The following EVI5 variants were observed in gnomAD, a reference collection of about 807,000 sequenced individuals.
The protein encoded by EVI5 is ecotropic viral integration site 5 protein homolog.
EVI5 carries 73 observed loss-of-function variants against 112.0 expected under a neutral mutation model. That is an observed-to-expected ratio of 0.65 (90% CI 0.54 to 0.79). EVI5 has a LOEUF of 0.79. EVI5 is among the 30% of genes least tolerant of loss of function. EVI5 has a pLI of 0.00. For synonymous variants in EVI5, 305 were observed against 319.9 expected, an observed-to-expected ratio of 0.95 and a Z score of 0.50; for missense variants, 900 against 968.8, an observed-to-expected ratio of 0.93 and a Z score of 0.94.
chr1:92,657,979 G>A (rs1235370818), intron 13 of EVI5, among the ~76,000 whole-genome samples: 1 of 152,120 alleles, frequency 6.6e-6, no homozygotes, highest in Admixed American at 6.5e-5. Flanking sequence ...TTTGCCCCAT[G>A]ATCCAAACAC....
intron 19 of EVI5, among the ~76,000 whole-genome samples, chr1:92,521,259 A>AG (rs1358353430): frequency 1.3e-5 from 2 of 152,196 alleles, no homozygotes; most frequent in African/African-American, 4.8e-5. Flanking sequence ...CACCCTGCCC[A>AG]GCCAAGACTG....
In EVI5 at chr1:92,662,814, C is replaced by T; in HGVS notation, c.1297G>A (p.Glu433Lys). ...EAEENYLIKRELATIKQQSDE... is the reference protein window; with the variant it reads ...EAEENYLIKRKLATIKQQSDE... ...CTCTGCTGTTTGATGGTGGCCAACT[C>T]CCGTTTTATGAGGTAGTTTTCCTCA... is the stretch of plus-strand genomic sequence containing the variant. The change falls in exon 13 of 20, where the codon GAG (glutamate) becomes AAG (lysine). Residue 433 changes from glutamate to lysine, a missense_variant. By Grantham distance (56) the Glu-to-Lys change is moderately conservative. Transcript: ENST00000684568. The T allele has an allele frequency of 7.8e-7, 1 of 1,289,398 alleles. No individual in the cohort carries two copies. Among genetic ancestry groups the T allele is most frequent in the Non-Finnish European group, 1.0e-6 (1 of 988,710 alleles). The allele number at this position is 1,289,398 out of a possible 1,614,324, so 79.9% of individuals were successfully genotyped here. A position where few individuals can be genotyped will look rare whatever the true frequency, so the allele number is the denominator to read the frequency against.
intron 18 of EVI5, among the ~76,000 whole-genome samples, chr1:92,585,222 C>CAAAA (rs60701144): frequency 2.7e-5 from 4 of 146,262 alleles, no homozygotes; most frequent in Non-Finnish European, 6.0e-5. Flanking sequence ...GACTCCATCT[C>CAAAA]AAAAAAAAAA....
At chr1:92,590,672 A>C (rs1239352789) in intron 18 of EVI5, among the ~76,000 whole-genome samples, 1 of 152,192 alleles carries the variant, frequency 6.6e-6, no homozygotes, top group African/African-American at 2.4e-5. Context: ...GAATGGAACC[A>C]AGGTGGAAAA....
chr1:92,593,646 G>A lies in EVI5; in HGVS notation c.2070+11661C>T, dbSNP rs1287809768. Among the ~76,000 whole-genome samples, 4 of 152,246 alleles carry A rather than the reference G, an allele frequency of 2.6e-5. No individual in the cohort carries two copies. In the East Asian group the frequency reaches 7.7e-4, roughly 29 times the overall value. On this transcript the variant is annotated intron_variant, in intron 18 of 19. Coordinates refer to ENST00000684568, the MANE Select transcript of EVI5 (RefSeq NM_001350197.2). ...AGTCAAATTGTCCCTGTTTGCAGAT[G>A]ACATGATTGTATATCTAGAAAACCC...
At chr1:92,707,434 A>G (rs1672197448) in intron 2 of EVI5, among the ~76,000 whole-genome samples, 1 of 152,178 alleles carries the variant, frequency 6.6e-6, no homozygotes, top group Non-Finnish European at 1.5e-5. Context: ...TATACAGAAT[A>G]TATGAACCAC....
At chr1:92,529,566 A>T (rs1363193418) in intron 19 of EVI5, among the ~76,000 whole-genome samples, 1 of 152,220 alleles carries the variant, frequency 6.6e-6, no homozygotes, top group Non-Finnish European at 1.5e-5. Flanking sequence ...ACTGTGCATA[A>T]TCAGTCTCAG....
intron 2 of EVI5, chr1:92,733,002 C>T (rs1339929075): frequency 6.5e-6 from 1 of 152,752 alleles, no homozygotes; most frequent in Non-Finnish European, 1.4e-5. Flanking sequence ...CACTTGAGAC[C>T]AGGAGTTTGA....
At chr1:92,757,477 C>T (rs1681121357) in intron 1 of EVI5, among the ~76,000 whole-genome samples, 1 of 151,722 alleles carries the variant, frequency 6.6e-6, no homozygotes, top group Admixed American at 6.6e-5. Context: ...TCATGAATTC[C>T]TATGCTGTGG....
intron 18 of EVI5, among the ~76,000 whole-genome samples, chr1:92,581,857 C>A (rs1177074552): frequency 6.6e-6 from 1 of 152,128 alleles, no homozygotes; most frequent in African/African-American, 2.4e-5. Flanking sequence ...CATAGAAGGT[C>A]AATACATGAC....
chr1:92,746,048 A>G (rs980936618), intron 1 of EVI5, among the ~76,000 whole-genome samples: 5 of 152,220 alleles, frequency 3.3e-5, no homozygotes, highest in African/African-American at 9.6e-5. Context: ...TAAATAGCTG[A>G]GTCTCAATCA....
intron 9 of EVI5, among the ~76,000 whole-genome samples, chr1:92,686,835 G>C (rs1238011545): frequency 3.3e-5 from 5 of 152,080 alleles, no homozygotes; most frequent in African/African-American, 4.8e-5. Context: ...AACTTACAAG[G>C]GATGTGAAGG....
intron 1 of EVI5, among the ~76,000 whole-genome samples, chr1:92,738,290 C>T (rs1353318950): frequency 6.6e-6 from 1 of 152,082 alleles, no homozygotes; most frequent in Admixed American, 6.6e-5. Flanking sequence ...GTGAAAATGG[C>T]ACAAATTCGC....
intron 14 of EVI5, among the ~76,000 whole-genome samples, chr1:92,628,808 G>A (rs1443914100): frequency 6.6e-6 from 1 of 152,150 alleles, no homozygotes; most frequent in African/African-American, 2.4e-5. Context: ...TAGGGATGAT[G>A]GAATGAAGTT....
intron 5 of EVI5, among the ~76,000 whole-genome samples, chr1:92,698,860 C>T (rs972701541): frequency 2.6e-5 from 4 of 152,140 alleles, no homozygotes; most frequent in African/African-American, 9.7e-5. Context: ...ATGTGTAAAT[C>T]ACTAGGAAAT....
At position 92,561,666 on chromosome 1, in the gene EVI5, A is replaced by ATCT. The variant is rs1557790996; in HGVS notation, c.2166+1975_2166+1976insAGA. On this transcript the variant is annotated intron_variant, in intron 19 of 19. Coordinates refer to ENST00000684568, the MANE Select transcript of EVI5 (RefSeq NM_001350197.2). ...CTATCTATCTATCTATCTATCTATC[A>ATCT]GAGTCTCACTCTGCTGCCTGGAGTG... Among the ~76,000 whole-genome samples, 690 of 109,614 alleles carry ATCT rather than the reference A, an allele frequency of 6.3e-3. 6 individuals are homozygous for ATCT. The highest frequency in any genetic ancestry group is 0.021 in the Middle Eastern group (4 of 192). 71.9% of individuals were successfully genotyped at this position (109,614 alleles called of 152,430 possible). A position where few individuals can be genotyped will look rare whatever the true frequency, so the allele number is the denominator to read the frequency against.
intron 9 of EVI5, among the ~76,000 whole-genome samples, chr1:92,677,661 C>CA (rs1490186675): frequency 6.6e-6 from 1 of 152,098 alleles, no homozygotes; most frequent in Admixed American, 6.6e-5. Context: ...AATTAATAGA[C>CA]ATAGGAGGAA....
intron 1 of EVI5, among the ~76,000 whole-genome samples, chr1:92,781,744 C>G (rs1037134061): frequency 1.3e-5 from 2 of 151,694 alleles, no homozygotes; most frequent in African/African-American, 4.8e-5. Context: ...GACTTGAGCC[C>G]AGGAGTTCGA....
At chr1:92,668,381 C>T (rs541245023) in intron 10 of EVI5, among the ~76,000 whole-genome samples, 30 of 152,284 alleles carry the variant, frequency 2.0e-4, no homozygotes, top group African/African-American at 7.0e-4. Context: ...TTATTAAATG[C>T]TGCTAAAGTC....
Sources: allele counts gnomAD v4.1 joint callset (sites outside exome capture counted in the v4.1 genomes callset), GRCh38; gene constraint gnomAD v4.1.1; transcripts MANE v1.5; gene names NCBI Gene and HGNC (gene_info 2026-07-23, HGNC 2026-07-21).